The following LRRK2 variants were observed in gnomAD, a reference collection of about 807,000 sequenced individuals.
LRRK2 encodes leucine rich repeat kinase 2, also known as leucine-rich repeat serine/threonine-protein kinase 2.
Under a neutral mutation model 302.6 loss-of-function variants are expected in LRRK2, and 203 were observed. The ratio of observed to expected loss-of-function variants is 0.67; its 90% confidence interval spans 0.60 to 0.75. The LOEUF is 0.75. Ranked by LOEUF, LRRK2 falls within the 30% of genes least tolerant of loss-of-function variation. The pLI is 0.00. For synonymous variants in LRRK2, 1,066 were observed against 1,031.9 expected, an observed-to-expected ratio of 1.03 and a Z score of -0.63; for missense variants, 2,830 against 2,951.0, an observed-to-expected ratio of 0.96 and a Z score of 0.95.
intron 42 of LRRK2, 30 bp from the exon 43 acceptor site, chr12:40,348,379 A>G (rs199967855): frequency 1.1e-5 from 16 of 1,406,040 alleles, no homozygotes; most frequent in Admixed American, 1.7e-5. Flanking sequence ...CTTATTTAGT[A>G]TGCTAGCATG....
intron 20 of LRRK2, among the ~76,000 whole-genome samples, chr12:40,289,659 C>T (rs1944067391): frequency 1.3e-5 from 2 of 151,076 alleles, no homozygotes; most frequent in African/African-American, 4.8e-5. Context: ...TTTAAAATTT[C>T]TAACAGTGTG....
chr12:40,350,304 C>G (rs981171258), intron 43 of LRRK2, among the ~76,000 whole-genome samples: 1 of 152,212 alleles, frequency 6.6e-6, no homozygotes, highest in Non-Finnish European at 1.5e-5. Flanking sequence ...TTTGTCTTGG[C>G]AGACAAATGT....
At position 40,283,848 on chromosome 12, in the gene LRRK2, A is replaced by G. The variant is rs41286478; in HGVS notation, c.2242-27A>G. The G allele has an allele frequency of 1.5e-3, 2,332 of 1,585,198 alleles. 5 individuals are homozygous for G. The highest frequency in any genetic ancestry group is 1.6e-3 in the Non-Finnish European group (1,831 of 1,160,878). ...AAAGGAAGAAAAATGTAGATTTTTA[A>G]TATACTTAATTTTTTTTCTTTAATA... On this transcript the variant is annotated intron_variant, in intron 18 of 50. Transcript: ENST00000298910.
chr12:40,242,230 A>G (rs1941758729), intron 6 of LRRK2, among the ~76,000 whole-genome samples: 1 of 152,078 alleles, frequency 6.6e-6, no homozygotes, highest in African/African-American at 2.4e-5. Flanking sequence ...TTACGTTGTT[A>G]ATTTTTTTTC....
chr12:40,234,673 G>A (rs1373189433), intron 3 of LRRK2, among the ~76,000 whole-genome samples: 3 of 151,762 alleles, frequency 2.0e-5, no homozygotes, highest in African/African-American at 2.4e-5. Context: ...AACGGCCACC[G>A]GCCCACTACT....
chr12:40,231,769 A>G (rs1941207638), intron 2 of LRRK2, among the ~76,000 whole-genome samples: 1 of 147,208 alleles, frequency 6.8e-6, no homozygotes, highest in Admixed American at 6.9e-5. Context: ...AATTATATAT[A>G]TTATATATTA....
chr12:40,330,635 T>C (rs1432774361), intron 39 of LRRK2, among the ~76,000 whole-genome samples: 2 of 152,164 alleles, frequency 1.3e-5, no homozygotes, highest in Non-Finnish European at 2.9e-5. Context: ...AACTACTATG[T>C]ACCAGGTTAG....
chr12:40,313,383 C>T (rs1337412716), intron 31 of LRRK2, among the ~76,000 whole-genome samples: 4 of 151,960 alleles, frequency 2.6e-5, no homozygotes, highest in African/African-American at 9.7e-5. Flanking sequence ...ATCATCCTCT[C>T]CTATCAGAAT....
intron 7 of LRRK2, among the ~76,000 whole-genome samples, chr12:40,248,771 G>A (rs1209037589): frequency 1.3e-5 from 2 of 152,178 alleles, no homozygotes; most frequent in East Asian, 1.9e-4. Context: ...TTCAGTGACC[G>A]AACAGCTGTT....
chr12:40,253,226 C>A (rs1045482210), intron 11 of LRRK2, among the ~76,000 whole-genome samples: 9 of 151,832 alleles, frequency 5.9e-5, no homozygotes, highest in Admixed American at 5.9e-4. Context: ...GTATATTTTT[C>A]CGGACTTCTA....
rs4640000 is a variant in LRRK2 at position 40,305,791 on chromosome 12, C to G, written c.3784C>G (p.Pro1262Ala). 1.2e-3 allele frequency: 1,978 copies of G among 1,613,462 alleles called. 20 individuals carry two copies. In the African/African-American group the frequency reaches 0.022, roughly 18 times the overall value. ...LSHNKLKEIP[P>A]EIGCLENLTS... Reference sequence around the variant, plus strand: ...CCTTTTTTTTCCCATTAAGATTCCTCCTGAGATTGGCTGTCTTGAAAATCT... The same window carrying G: ...CCTTTTTTTTCCCATTAAGATTCCTGCTGAGATTGGCTGTCTTGAAAATCT... Residue 1262 changes from proline (P) to alanine (A), a missense_variant, in exon 28 of 51, where the codon CCT becomes GCT. By Grantham distance (27) the Pro-to-Ala change is conservative. Transcript: ENST00000298910.
chr12:40,281,207 C>T (rs984359883), intron 18 of LRRK2, among the ~76,000 whole-genome samples: 3 of 152,192 alleles, frequency 2.0e-5, no homozygotes, highest in African/African-American at 4.8e-5. Context: ...TTAATCCTTA[C>T]GACAACCTAC....
intron 7 of LRRK2, among the ~76,000 whole-genome samples, chr12:40,244,445 A>G (rs768251370): frequency 6.6e-6 from 1 of 152,084 alleles, no homozygotes; most frequent in African/African-American, 2.4e-5. Context: ...ATTTTATGCT[A>G]CTACTATCTG....
At chr12:40,367,574 A>T in intron 50 of LRRK2, 70 bp from the exon 51 acceptor site, 9 of 1,513,378 alleles carry the variant, frequency 5.9e-6, no homozygotes, top group Non-Finnish European at 7.2e-6. Context: ...TACATGAGCC[A>T]AACTGAAATA....
At chr12:40,291,868 T>G (rs955881739) in intron 20 of LRRK2, among the ~76,000 whole-genome samples, 1 of 152,102 alleles carries the variant, frequency 6.6e-6, no homozygotes, top group Admixed American at 6.6e-5. Flanking sequence ...TTGTATATTT[T>G]GAAGCTCTGT....
intron 19 of LRRK2, chr12:40,286,585 A>C (rs908049839): frequency 1.3e-5 from 2 of 151,930 alleles, no homozygotes; most frequent in African/African-American, 4.8e-5. Flanking sequence ...CCCAGGGTTT[A>C]TTTTCCTTTT....
At chr12:40,305,720 G>T in intron 27 of LRRK2, 65 bp from the exon 28 acceptor site, 2 of 1,420,132 alleles carry the variant, frequency 1.4e-6, no homozygotes, top group East Asian at 2.3e-5. Flanking sequence ...TTCTTATCAC[G>T]TTTTTTGGCA....
At position 40,276,382 on chromosome 12, in the gene LRRK2, G is replaced by C. The variant is rs549113607; in HGVS notation, c.1941+1389G>C. Among the ~76,000 whole-genome samples, 13 of 152,130 alleles carry C rather than the reference G, an allele frequency of 8.5e-5. No homozygotes were observed. The East Asian group carries it at 1.4e-3, about 16-fold the overall frequency. ...GCAGTCTCAGCTCACATCACCCTCCGCCTCCTGGGTTCAAGCAATTCTCCT... is the reference window on the plus strand; with the variant it reads ...GCAGTCTCAGCTCACATCACCCTCCCCCTCCTGGGTTCAAGCAATTCTCCT... On this transcript the variant is annotated intron_variant, in intron 16 of 50. Transcript: ENST00000298910.
At chr12:40,334,844 A>G (rs574690777) in intron 39 of LRRK2, 123 bp from the exon 40 acceptor site, 21 of 1,124,300 alleles carry the variant, frequency 1.9e-5, no homozygotes, top group African/African-American at 4.6e-5. Flanking sequence ...AGAAATGGAA[A>G]GTTTGCTATG....
Sources: allele counts gnomAD v4.1 joint callset (sites outside exome capture counted in the v4.1 genomes callset), GRCh38; gene constraint gnomAD v4.1.1; transcripts MANE v1.5; gene names NCBI Gene and HGNC (gene_info 2026-07-23, HGNC 2026-07-21).